PDE1C: variants seen among roughly 807,000 people sequenced by gnomAD.
PDE1C encodes dual specificity calcium/calmodulin-dependent 3',5'-cyclic nucleotide phosphodiesterase 1C.
PDE1C carries 62 observed loss-of-function variants against 93.1 expected under a neutral mutation model. The ratio of observed to expected loss-of-function variants is 0.67; its 90% CI spans 0.54 to 0.82. The LOEUF (loss-of-function observed/expected upper bound fraction) is 0.82, where lower values mean the gene tolerates loss of function less well. PDE1C is among the 40% of genes least tolerant of loss of function. The pLI, the probability that PDE1C is intolerant of heterozygous loss-of-function variation, is 0.00. For synonymous variants in PDE1C, 325 were observed against 310.1 expected, an observed-to-expected ratio of 1.05 and a Z score of -0.50; for missense variants, 742 against 884.6, an observed-to-expected ratio of 0.84 and a Z score of 2.04.
At chr7:31,971,714 C>T (rs1810986853) in intron 2 of PDE1C, among the ~76,000 whole-genome samples, 1 of 152,220 alleles carries the variant, frequency 6.6e-6, no homozygotes, top group Admixed American at 6.5e-5. Context: ...GCACTAACAA[C>T]AAGAGATCAG....
chr7:31,812,534 A>G (rs1450928068), intron 15 of PDE1C, among the ~76,000 whole-genome samples: 1 of 152,164 alleles, frequency 6.6e-6, no homozygotes, highest in African/African-American at 2.4e-5. Flanking sequence ...ACATTTTTAA[A>G]TGGTTAAAAG....
At chr7:31,805,455 A>C (rs949294037) in intron 16 of PDE1C, among the ~76,000 whole-genome samples, 55 of 152,006 alleles carry the variant, frequency 3.6e-4, no homozygotes, top group African/African-American at 1.3e-3. Flanking sequence ...TCTAGAGTTT[A>C]TCTCTCTGTA....
intron 3 of PDE1C, among the ~76,000 whole-genome samples, chr7:32,116,048 G>A (rs1021764063): frequency 3.3e-5 from 5 of 152,178 alleles, no homozygotes; most frequent in Admixed American, 1.3e-4. Flanking sequence ...GAAACAATGA[G>A]AGACTTTAAA....
At chr7:32,401,879 C>T (rs1784950020) in intron 1 of PDE1C, among the ~76,000 whole-genome samples, 1 of 152,144 alleles carries the variant, frequency 6.6e-6, no homozygotes, top group African/African-American at 2.4e-5. Flanking sequence ...TTGAACTGGA[C>T]CTGAGTTCAA....
Position 32,332,151 on chromosome 7 carries a change from TAC to T in PDE1C, c.310+95669_310+95670del, listed in dbSNP as rs919788276. On this transcript the variant is annotated intron_variant, in intron 1 of 1. Transcript: ENST00000672256. ...TCTATATATTGTATAGAAATCATTA[TAC>T]ACACACACACAGAGACATCTATAAT... 3.3e-5 allele frequency among the ~76,000 whole-genome samples: 5 copies of T among 151,904 alleles called. No homozygotes were observed. The East Asian group carries it at 7.7e-4, about 23-fold the overall frequency.
downstream of PDE1C, among the ~76,000 whole-genome samples, chr7:31,749,785 T>C (rs780291756): frequency 6.9e-6 from 1 of 145,302 alleles, no homozygotes. Flanking sequence ...TCGCACAGGC[T>C]GGAGTGCAGT....
chr7:32,097,886 G>T (rs2128748652), intron 3 of PDE1C, among the ~76,000 whole-genome samples: 1 of 152,254 alleles, frequency 6.6e-6, no homozygotes, highest in Non-Finnish European at 1.5e-5. Flanking sequence ...GATAAGGAAA[G>T]GTGCTAATAA....
intron 1 of PDE1C, among the ~76,000 whole-genome samples, chr7:32,323,572 T>C (rs1373150970): frequency 1.3e-5 from 2 of 152,048 alleles, no homozygotes; most frequent in Non-Finnish European, 1.5e-5. Flanking sequence ...GCAGTCAGGG[T>C]GGCATGTTGC....
At chr7:32,284,457 G>A (rs1452045615) in intron 1 of PDE1C, among the ~76,000 whole-genome samples, 1 of 152,208 alleles carries the variant, frequency 6.6e-6, no homozygotes, top group Non-Finnish European at 1.5e-5. Context: ...AATAAAGTTA[G>A]TTCCCCTTGA....
the PDE1C span, among the ~76,000 whole-genome samples, chr7:31,678,084 G>A: frequency 6.6e-6 from 1 of 152,002 alleles, no homozygotes; most frequent in Non-Finnish European, 1.5e-5. Context: ...ATGTTCTAAC[G>A]CTCTACGAGT....
chr7:31,659,208 A>G, the PDE1C span, among the ~76,000 whole-genome samples: 1 of 152,210 alleles, frequency 6.6e-6, no homozygotes, highest in African/African-American at 2.4e-5. Context: ...ATATTCTTCT[A>G]TGGACATGGA....
chr7:32,412,020 G>A (rs944593820), intron 1 of PDE1C, among the ~76,000 whole-genome samples: 3 of 152,030 alleles, frequency 2.0e-5, no homozygotes, highest in Non-Finnish European at 4.4e-5. Context: ...TCAGAGACAA[G>A]AGCATGCATG....
At chr7:32,267,664 T>A (rs914451544) in intron 1 of PDE1C, among the ~76,000 whole-genome samples, 1 of 148,900 alleles carries the variant, frequency 6.7e-6, no homozygotes, top group Non-Finnish European at 1.5e-5. Flanking sequence ...CATCTGAAAG[T>A]AAGTCTCTTC....
the PDE1C span, chr7:31,707,065 T>G: frequency 1.1e-4 from 74 of 667,910 alleles, no homozygotes; most frequent in Non-Finnish European, 1.5e-4. Context: ...CTTCTCTGGG[T>G]TGGTACTGTT....
chr7:32,414,659 A>C (rs1481802257), intron 1 of PDE1C, among the ~76,000 whole-genome samples: 1 of 152,206 alleles, frequency 6.6e-6, no homozygotes, highest in African/African-American at 2.4e-5. Flanking sequence ...AACTTCACAA[A>C]AAGTGGAGAG....
At position 31,794,089 on chromosome 7, in the gene PDE1C, C is replaced by CAGAT. The variant is rs71559204; in HGVS notation, c.1891+14938_1891+14941dup. On this transcript the variant is annotated intron_variant, in intron 16 of 17. Transcript: ENST00000396191. ...ACAGACAGACAGACAGACAGACAGA[C>CAGAT]AGATAGATAGACAGATAGATGGGCA... Among the ~76,000 whole-genome samples, 556 of 135,304 alleles carry CAGAT rather than the reference C, an allele frequency of 4.1e-3. 3 individuals are homozygous for CAGAT. Among genetic ancestry groups the CAGAT allele is most frequent in the East Asian group, 0.011 (52 of 4,624 alleles). 88.8% of individuals were successfully genotyped at this position (135,304 alleles called of 152,430 possible).
At chr7:32,096,156 G>A (rs1195494602) in intron 3 of PDE1C, among the ~76,000 whole-genome samples, 1 of 152,112 alleles carries the variant, frequency 6.6e-6, no homozygotes, top group Non-Finnish European at 1.5e-5. Flanking sequence ...ATGGACCATG[G>A]AAAACTCTAC....
chr7:32,358,274 C>T (rs149531366), intron 1 of PDE1C, among the ~76,000 whole-genome samples: 2 of 152,052 alleles, frequency 1.3e-5, no homozygotes, highest in African/African-American at 4.8e-5. Context: ...CTTCTGCAAC[C>T]CCGACAGGCA....
rs533657278 is a variant in PDE1C at position 32,095,281 on chromosome 7, T to C, written c.308+74504A>G. ...GACATCCCATCAGTGGCATTTCCGA[T>C]GAGGGGCAGACCCTTGTCAGAGGGA... On this transcript the variant is annotated intron_variant, in intron 3 of 18. Transcript: ENST00000396193. Among the ~76,000 whole-genome samples the C allele has an allele frequency of 6.6e-5, 10 of 152,320 alleles. 1 individual carries two copies. The South Asian group carries it at 8.3e-4, about 13-fold the overall frequency.
Sources: allele counts gnomAD v4.1 joint callset (sites outside exome capture counted in the v4.1 genomes callset), GRCh38; gene constraint gnomAD v4.1.1; transcripts MANE v1.5; gene names NCBI Gene and HGNC (gene_info 2026-07-23, HGNC 2026-07-21).